SLC25A21: variants seen among roughly 807,000 people sequenced by gnomAD.
The protein encoded by SLC25A21 is mitochondrial 2-oxodicarboxylate carrier.
In SLC25A21, 47 loss-of-function variants were observed where a neutral mutation model predicts 43.8. The ratio of observed to expected loss-of-function variants is 1.07; its 90% CI spans 0.85 to 1.37. SLC25A21 has a LOEUF of 1.37. Among genes scored for constraint, SLC25A21 ranks in the 40% most tolerant of loss-of-function variants. The probability of loss-of-function intolerance (pLI) is 0.00; values close to 1 mark genes in which losing one functional copy is unlikely to be tolerated. For missense variants in SLC25A21, 352 were observed against 350.2 expected (o/e 1.00, Z -0.04); for synonymous variants, 131 against 121.3 (o/e 1.08, Z -0.52).
intron 1 of SLC25A21, among the ~76,000 whole-genome samples, chr14:36,931,267 G>A (rs571215766): frequency 9.9e-5 from 15 of 152,232 alleles, no homozygotes; most frequent in African/African-American, 3.6e-4. Context: ...TGTTTCTCTG[G>A]GGAAGATCAT....
chr14:37,056,488 C>CA (rs1219601593), intron 1 of SLC25A21, among the ~76,000 whole-genome samples: 3,823 of 83,870 alleles, frequency 0.046, 57 homozygotes, highest in Middle Eastern at 0.097. Context: ...GACTCCATCT[C>CA]AAAAAAAAAA....
chr14:37,075,503 T>C (rs1962261135), intron 1 of SLC25A21, among the ~76,000 whole-genome samples: 1 of 152,156 alleles, frequency 6.6e-6, no homozygotes, highest in Non-Finnish European at 1.5e-5. Context: ...AAGTCAATGA[T>C]ACACACACCA....
intron 1 of SLC25A21, among the ~76,000 whole-genome samples, chr14:37,054,683 A>C (rs901752502): frequency 6.6e-6 from 1 of 151,212 alleles, no homozygotes; most frequent in Non-Finnish European, 1.5e-5. Flanking sequence ...GTTTGACAAG[A>C]CTGTGGCCTT....
chr14:36,964,079 A>T (rs1354128868), intron 1 of SLC25A21, among the ~76,000 whole-genome samples: 1 of 152,232 alleles, frequency 6.6e-6, no homozygotes, highest in African/African-American at 2.4e-5. Context: ...ATATATTTTT[A>T]AATGAATATA....
intron 1 of SLC25A21, among the ~76,000 whole-genome samples, chr14:37,031,906 G>C (rs1961219095): frequency 6.6e-6 from 1 of 152,174 alleles, no homozygotes; most frequent in Non-Finnish European, 1.5e-5. Context: ...CATTTTAAAA[G>C]AGATTTAATC....
At chr14:36,925,194 A>G (rs1445472098) in intron 1 of SLC25A21, among the ~76,000 whole-genome samples, 1 of 152,230 alleles carries the variant, frequency 6.6e-6, no homozygotes, top group Non-Finnish European at 1.5e-5. Context: ...TGGAAGAACC[A>G]GAAAACAACC....
At chr14:36,938,442 C>T (rs1892478919) in intron 1 of SLC25A21, among the ~76,000 whole-genome samples, 2 of 152,124 alleles carry the variant, frequency 1.3e-5, no homozygotes, top group South Asian at 4.1e-4. Context: ...GTTTGAGACT[C>T]AGTCTCTGGA....
chr14:36,972,929 C>T (rs1383571759), intron 1 of SLC25A21, among the ~76,000 whole-genome samples: 5 of 152,046 alleles, frequency 3.3e-5, no homozygotes, highest in Non-Finnish European at 7.4e-5. Context: ...AACTCCTGGG[C>T]TCAAGTGATC....
At chr14:36,722,330 T>A (rs1884407534) in intron 6 of SLC25A21, among the ~76,000 whole-genome samples, 1 of 152,176 alleles carries the variant, frequency 6.6e-6, no homozygotes, top group Non-Finnish European at 1.5e-5. Flanking sequence ...GCAGTGAAAT[T>A]ACTCTGTATG....
chr14:37,074,204 A>T (rs559310854), intron 1 of SLC25A21, among the ~76,000 whole-genome samples: 12 of 125,482 alleles, frequency 9.6e-5, no homozygotes, highest in African/African-American at 5.8e-4. Flanking sequence ...AATCAACTGC[A>T]GTTAAAAAAA....
At chr14:37,027,861 T>C (rs906598325) in intron 1 of SLC25A21, among the ~76,000 whole-genome samples, 1 of 152,180 alleles carries the variant, frequency 6.6e-6, no homozygotes, top group Non-Finnish European at 1.5e-5. Flanking sequence ...AACTTTTTAA[T>C]TTACTGTAGC....
chr14:37,036,570 A>C (rs1961331891), intron 1 of SLC25A21, among the ~76,000 whole-genome samples: 1 of 152,028 alleles, frequency 6.6e-6, no homozygotes, highest in African/African-American at 2.4e-5. Flanking sequence ...CATAGGGAGG[A>C]CCCGTCTCTA....
chr14:36,905,913 G>T (rs1319492425), intron 1 of SLC25A21, among the ~76,000 whole-genome samples: 2 of 152,146 alleles, frequency 1.3e-5, no homozygotes, highest in Admixed American at 1.3e-4. Context: ...GATATTCAGG[G>T]TGTGGCTTAA....
chr14:36,987,429 A>T (rs568088278), intron 1 of SLC25A21, among the ~76,000 whole-genome samples: 2 of 152,342 alleles, frequency 1.3e-5, no homozygotes, highest in Admixed American at 6.5e-5. Context: ...TAAATGTACA[A>T]AAAGTATAAA....
rs531534888 is a variant in SLC25A21 at position 36,953,598 on chromosome 14, G to A, written c.71-78594C>T. Reference sequence around the variant, plus strand: ...TAGATAATTTTCTTTATTTCATATCGCAAACAAATGGCTAAAAGTTAGTGT... The same window carrying A: ...TAGATAATTTTCTTTATTTCATATCACAAACAAATGGCTAAAAGTTAGTGT... On this transcript the variant is annotated intron_variant, in intron 1 of 9. Coordinates refer to ENST00000331299, the MANE Select transcript of SLC25A21 (RefSeq NM_030631.4). Among the ~76,000 whole-genome samples, 66 of 152,192 alleles carry A rather than the reference G, an allele frequency of 4.3e-4. 1 individual carries two copies. Among genetic ancestry groups the A allele is most frequent in the African/African-American group, 1.5e-3 (61 of 41,532 alleles).
At chr14:36,947,869 T>C (rs1892712960) in intron 1 of SLC25A21, among the ~76,000 whole-genome samples, 1 of 152,172 alleles carries the variant, frequency 6.6e-6, no homozygotes, top group Non-Finnish European at 1.5e-5. Context: ...CCTAGAGGTA[T>C]TGCACCCAAA....
chr14:36,891,760 T>C (rs1408760161), intron 1 of SLC25A21, among the ~76,000 whole-genome samples: 1 of 152,126 alleles, frequency 6.6e-6, no homozygotes, highest in East Asian at 1.9e-4. Context: ...ACTATGAATA[T>C]GTCTCTTCAA....
At chr14:37,062,142 T>C (rs1961960876) in intron 1 of SLC25A21, among the ~76,000 whole-genome samples, 1 of 152,198 alleles carries the variant, frequency 6.6e-6, no homozygotes, top group Non-Finnish European at 1.5e-5. Context: ...AATAAAATAC[T>C]TTGTTTTGGG....
rs572301366 is a variant in SLC25A21, at chr14:37,104,588, C to T, written c.70+67693G>A. Among the ~76,000 whole-genome samples the T allele has an allele frequency of 1.4e-4, 22 of 152,232 alleles. No individual in the cohort carries two copies. The South Asian group carries it at 4.2e-3, about 29-fold the overall frequency. On this transcript the variant is annotated intron_variant, in intron 1 of 9. Transcript: ENST00000331299. ...ATTTATATTACTATGGCCCGTGGCA[C>T]AAACTTAACAGCATATACCATGATA...
Sources: gnomAD v4.1 joint callset for allele counts (sites outside exome capture counted in the v4.1 genomes callset) on GRCh38, gnomAD v4.1.1 for gene constraint, MANE v1.5 for transcripts, NCBI Gene and HGNC (gene_info 2026-07-23, HGNC 2026-07-21) for gene names.